Variants in PTPRT observed in about 807,000 individuals in gnomAD.
PTPRT encodes the protein protein tyrosine phosphatase receptor type T.
PTPRT carries 56 observed loss-of-function variants against 176.8 expected under a neutral mutation model. The observed-to-expected ratio is 0.32, with a 90% CI of 0.26 to 0.40. The LOEUF (loss-of-function observed/expected upper bound fraction) is 0.40. Among genes scored for constraint, PTPRT ranks in the 10% least tolerant of loss-of-function variants. The probability of loss-of-function intolerance (pLI) is 1.00; values close to 1 mark genes in which losing one functional copy is unlikely to be tolerated. For missense variants in PTPRT, 1,540 were observed against 1,908.2 expected (o/e 0.81, Z 3.60); for synonymous variants, 783 against 739.0 (o/e 1.06, Z -0.96).
chr20:42,287,785 C>A (rs1384620611), intron 12 of PTPRT, among the ~76,000 whole-genome samples: 11 of 151,850 alleles, frequency 7.2e-5, no homozygotes, highest in Non-Finnish European at 1.5e-4. Flanking sequence ...TTACCTTGAT[C>A]TGATCACTAT....
intron 15 of PTPRT, among the ~76,000 whole-genome samples, chr20:42,206,306 T>C (rs533903138): frequency 5.9e-5 from 9 of 152,280 alleles, no homozygotes; most frequent in East Asian, 1.9e-4. Flanking sequence ...GGAACAGCTC[T>C]GGTCTACAGC....
chr20:42,815,072 G>A (rs967763460), intron 2 of PTPRT, among the ~76,000 whole-genome samples: 1 of 152,088 alleles, frequency 6.6e-6, no homozygotes, highest in Non-Finnish European at 1.5e-5. Context: ...CCTCTGAAAG[G>A]TATACTTTCT....
At chr20:42,547,339 C>G (rs749177748) in intron 7 of PTPRT, among the ~76,000 whole-genome samples, 11 of 151,602 alleles carry the variant, frequency 7.3e-5, no homozygotes, top group Admixed American at 3.3e-4. Flanking sequence ...TATCTCTTTC[C>G]TTAATTAGTC....
chr20:42,638,203 G>A (rs1280409541), intron 7 of PTPRT, among the ~76,000 whole-genome samples: 1 of 152,090 alleles, frequency 6.6e-6, no homozygotes, highest in African/African-American at 2.4e-5. Context: ...CTGTCACCCA[G>A]ACCAGAGGTG....
At chr20:42,508,841 T>G (rs1049258302) in intron 7 of PTPRT, among the ~76,000 whole-genome samples, 1 of 149,682 alleles carries the variant, frequency 6.7e-6, no homozygotes, top group Non-Finnish European at 1.5e-5. Context: ...ACTCTGGTCA[T>G]TGTACATTTA....
rs548208753 is a variant in PTPRT, at chr20:42,732,323, T to C, written c.859+24139A>G. Among the ~76,000 whole-genome samples the C allele has an allele frequency of 3.9e-4, 59 of 152,348 alleles. No homozygotes were observed. In the South Asian group the frequency reaches 0.011, roughly 29 times the overall value. Reference sequence around the variant, plus strand: ...TATTAGGCAGCTCTGGTCTATAGTATATGCTTGATCAGTTTCATTGACCCT... The same window carrying C: ...TATTAGGCAGCTCTGGTCTATAGTACATGCTTGATCAGTTTCATTGACCCT... On this transcript the variant is annotated intron_variant, in intron 6 of 30. Coordinates refer to ENST00000373187, the MANE Select transcript of PTPRT (RefSeq NM_007050.6).
chr20:43,112,935 C>A lies in PTPRT; in HGVS notation c.88+76711G>T, dbSNP rs569370211. Among the ~76,000 whole-genome samples the A allele has an allele frequency of 5.3e-5, 8 of 152,088 alleles. No individual in the cohort carries two copies. The South Asian group carries it at 1.7e-3, about 32-fold the overall frequency. ...GCGTGTAACTCATTCATGATATAAA[C>A]GTATCTCCTGGGGTTTTGCATGTAA... On this transcript the variant is annotated intron_variant, in intron 1 of 30. Coordinates refer to ENST00000373187, the MANE Select transcript of PTPRT (RefSeq NM_007050.6).
chr20:42,739,291 TA>T (rs11336834), intron 6 of PTPRT, among the ~76,000 whole-genome samples: 5,141 of 22,882 alleles, frequency 0.22, 106 homozygotes, highest in Admixed American at 0.32. Flanking sequence ...AAGGGAGAGA[TA>T]AAAAAAAAGC....
intron 7 of PTPRT, among the ~76,000 whole-genome samples, chr20:42,598,134 TAA>T (rs568489369): frequency 6.6e-6 from 1 of 151,030 alleles, no homozygotes; most frequent in African/African-American, 2.4e-5. Flanking sequence ...GTATAGCTGT[TAA>T]AAAAAAACAC....
intron 2 of PTPRT, among the ~76,000 whole-genome samples, chr20:42,797,549 G>A (rs4812649): frequency 1.1e-4 from 16 of 146,120 alleles, no homozygotes; most frequent in Admixed American, 2.7e-4. Context: ...ACCCTCCCCC[G>A]CAAACACAGT....
chr20:42,518,435 C>A (rs961987928), intron 7 of PTPRT, among the ~76,000 whole-genome samples: 24 of 152,098 alleles, frequency 1.6e-4, no homozygotes, highest in Non-Finnish European at 1.3e-4. Flanking sequence ...ATTTTACTGT[C>A]TGGATTTCTT....
At chr20:42,169,775 C>CACACACACAT (rs1989995532) in intron 16 of PTPRT, among the ~76,000 whole-genome samples, 2 of 144,844 alleles carry the variant, frequency 1.4e-5, no homozygotes, top group Admixed American at 1.4e-4. Context: ...CACACACACA[C>CACACACACAT]ACACACACAC....
rs574650063 is a variant in PTPRT, at chr20:42,683,032, G to A, written c.860-4873C>T. On this transcript the variant is annotated intron_variant, in intron 6 of 30. Coordinates refer to ENST00000373187, the MANE Select transcript of PTPRT (RefSeq NM_007050.6). ...AAGTGAGCCTTGATATGATTAAGGT[G>A]AGTGTAACCTAGCCTCCAACACTTT... Among the ~76,000 whole-genome samples the A allele has an allele frequency of 2.0e-4, 31 of 152,216 alleles. 1 individual carries two copies. In the South Asian group the frequency reaches 6.0e-3, roughly 30 times the overall value.
intron 1 of PTPRT, among the ~76,000 whole-genome samples, chr20:43,183,073 C>T (rs1355296610): frequency 6.6e-6 from 1 of 152,168 alleles, no homozygotes; most frequent in Admixed American, 6.5e-5. Context: ...TCAATTTTCA[C>T]TACTCAAAAA....
At chr20:43,001,082 T>C (rs999686638) in intron 1 of PTPRT, among the ~76,000 whole-genome samples, 5 of 151,738 alleles carry the variant, frequency 3.3e-5, no homozygotes, top group Non-Finnish European at 7.4e-5. Context: ...GTTATTCATA[T>C]AAAGGGTGAA....
intron 13 of PTPRT, among the ~76,000 whole-genome samples, chr20:42,265,311 G>A (rs1341079877): frequency 6.6e-6 from 1 of 152,014 alleles, no homozygotes; most frequent in Admixed American, 6.5e-5. Context: ...TTGAATTCTA[G>A]TTTCATCATT....
At chr20:42,875,635 G>A (rs1282359148) in intron 2 of PTPRT, among the ~76,000 whole-genome samples, 3 of 152,148 alleles carry the variant, frequency 2.0e-5, no homozygotes, top group Non-Finnish European at 4.4e-5. Context: ...ATTCACCCAG[G>A]AGAATATCAT....
At chr20:42,412,871 G>A (rs1364641295) in intron 9 of PTPRT, among the ~76,000 whole-genome samples, 1 of 152,096 alleles carries the variant, frequency 6.6e-6, no homozygotes, top group Non-Finnish European at 1.5e-5. Flanking sequence ...GCAGATCACT[G>A]GTTTTCAGGG....
chr20:42,863,042 C>T lies in PTPRT; in HGVS notation c.214+22765G>A, dbSNP rs538532237. On this transcript the variant is annotated intron_variant, in intron 2 of 30. Coordinates refer to ENST00000373187, the MANE Select transcript of PTPRT (RefSeq NM_007050.6). Reference sequence around the variant, plus strand: ...AGGCAGACTTGTACTCCCATTCACACTTGCCAGAGAAAGAGACTGAGATTC... The same window carrying T: ...AGGCAGACTTGTACTCCCATTCACATTTGCCAGAGAAAGAGACTGAGATTC... 2.7e-4 allele frequency among the ~76,000 whole-genome samples: 41 copies of T among 152,304 alleles called. 2 individuals carry two copies. In the South Asian group the frequency reaches 6.4e-3, roughly 24 times the overall value.
Sources: allele counts gnomAD v4.1 joint callset (sites outside exome capture counted in the v4.1 genomes callset), GRCh38; gene constraint gnomAD v4.1.1; transcripts MANE v1.5; gene names NCBI Gene and HGNC (gene_info 2026-07-23, HGNC 2026-07-21).